The following PTPRG variants were observed in gnomAD, a reference collection of about 807,000 sequenced individuals.
PTPRG encodes receptor-type tyrosine-protein phosphatase gamma.
A neutral mutation model predicts 165.3 loss-of-function variants in PTPRG; 102 were observed. The ratio of observed to expected loss-of-function variants is 0.62; its 90% CI spans 0.53 to 0.73. PTPRG has a LOEUF of 0.73. Among genes scored for constraint, PTPRG ranks in the 30% least tolerant of loss-of-function variants. The pLI is 0.00. For missense variants in PTPRG, 1,866 were observed against 1,861.4 expected, an observed-to-expected ratio of 1.00 and a Z score of -0.05; for synonymous variants, 675 against 669.5, an observed-to-expected ratio of 1.01 and a Z score of -0.13.
intron 1 of PTPRG, among the ~76,000 whole-genome samples, chr3:61,590,877 G>T (rs1233948471): frequency 4.6e-5 from 7 of 152,042 alleles, no homozygotes; most frequent in Non-Finnish European, 8.8e-5. Flanking sequence ...CCAGCACTTT[G>T]GGATGCCAGA....
Position 62,138,471 on chromosome 3 carries a change from C to A in PTPRG, c.682+5803C>A, listed in dbSNP as rs532380532. Among the ~76,000 whole-genome samples, 4 of 152,198 alleles carry A rather than the reference C, an allele frequency of 2.6e-5. No homozygotes were observed. The South Asian group carries it at 8.3e-4, about 32-fold the overall frequency. ...CAGTGGCTCATGCCTATAATGTCAG[C>A]ACTTTGGGAGGCCAAGGCAGGTGGA... is the stretch of plus-strand genomic sequence containing the variant. On this transcript the variant is annotated intron_variant, in intron 6 of 29. Transcript: ENST00000474889.
At chr3:61,972,943 A>G (rs1397929664) in intron 2 of PTPRG, among the ~76,000 whole-genome samples, 2 of 151,840 alleles carry the variant, frequency 1.3e-5, no homozygotes, top group African/African-American at 4.8e-5. Flanking sequence ...ATAGGCATGC[A>G]TCTCTGTGCC....
chr3:62,097,002 C>G (rs1394796815), intron 5 of PTPRG, among the ~76,000 whole-genome samples: 1 of 152,190 alleles, frequency 6.6e-6, no homozygotes, highest in Non-Finnish European at 1.5e-5. Flanking sequence ...ATCCGCCCAT[C>G]TTAAAAGTGA....
At chr3:62,024,285 G>C (rs1039509859) in intron 4 of PTPRG, among the ~76,000 whole-genome samples, 3 of 152,040 alleles carry the variant, frequency 2.0e-5, no homozygotes, top group Admixed American at 6.6e-5. Context: ...GTAATAGAAA[G>C]GAATAAATTT....
chr3:61,954,657 G>A (rs1249152963), intron 2 of PTPRG, among the ~76,000 whole-genome samples: 5 of 152,140 alleles, frequency 3.3e-5, no homozygotes, highest in Admixed American at 2.6e-4. Flanking sequence ...TTAAGGTGAA[G>A]ATTTGTCAGA....
At chr3:61,870,317 C>CAT (rs1445043149) in intron 2 of PTPRG, among the ~76,000 whole-genome samples, 4 of 136,380 alleles carry the variant, frequency 2.9e-5, no homozygotes, top group African/African-American at 1.1e-4. Context: ...AAAAATTATT[C>CAT]TTTTTTTTTT....
chr3:61,655,860 G>C (rs1379400912), intron 1 of PTPRG, among the ~76,000 whole-genome samples: 1 of 152,074 alleles, frequency 6.6e-6, no homozygotes, highest in Non-Finnish European at 1.5e-5. Flanking sequence ...CTCCTGTCTT[G>C]GCCAACCAAT....
At chr3:62,292,718 C>A in intron 29 of PTPRG, 162 bp downstream of exon 29, 1 of 715,286 alleles carries the variant, frequency 1.4e-6, no homozygotes, top group Non-Finnish European at 2.3e-6. Flanking sequence ...TGGATGGCAT[C>A]TAGAGGATAC....
At chr3:62,139,483 A>G (rs1173596482) in intron 6 of PTPRG, among the ~76,000 whole-genome samples, 2 of 151,722 alleles carry the variant, frequency 1.3e-5, no homozygotes, top group Admixed American at 6.6e-5. Flanking sequence ...AAAAGCCAAA[A>G]AGAAAGAAAT....
At chr3:61,860,139 A>C (rs1159275132) in intron 2 of PTPRG, among the ~76,000 whole-genome samples, 1 of 152,316 alleles carries the variant, frequency 6.6e-6, no homozygotes, top group Non-Finnish European at 1.5e-5. Context: ...AGAAGAGGAA[A>C]TATTGTATGT....
At chr3:62,192,928 T>C (rs1470442551) in intron 9 of PTPRG, among the ~76,000 whole-genome samples, 3 of 152,360 alleles carry the variant, frequency 2.0e-5, no homozygotes, top group East Asian at 1.9e-4. Context: ...CAATCAGTTA[T>C]AGAATAATAC....
At chr3:61,703,609 C>A (rs2031093684) in intron 1 of PTPRG, among the ~76,000 whole-genome samples, 1 of 152,134 alleles carries the variant, frequency 6.6e-6, no homozygotes, top group South Asian at 2.1e-4. Context: ...TTTCTCCTGC[C>A]TCGCTCATTT....
rs140999422 is a variant in PTPRG at position 61,912,546 on chromosome 3, T to G, written c.191-77079T>G. On this transcript the variant is annotated intron_variant, in intron 2 of 29. Coordinates refer to ENST00000474889, the MANE Select transcript of PTPRG (RefSeq NM_002841.4). ...GTAAAGAAAAAAAATCCTTTGGAATTGGTCATCATGATTGATTTTTGTGCT... is the reference window on the plus strand; with the variant it reads ...GTAAAGAAAAAAAATCCTTTGGAATGGGTCATCATGATTGATTTTTGTGCT... 3.1e-3 allele frequency among the ~76,000 whole-genome samples: 479 copies of G among 152,348 alleles called. 5 individuals are homozygous for G. Among genetic ancestry groups the G allele is most frequent in the Admixed American group, 4.8e-3 (74 of 15,308 alleles).
chr3:61,907,144 CT>C lies in PTPRG; in HGVS notation c.191-82471del, dbSNP rs139054196. ...TTCTCTTCCCCAACTTCCCCCACCC[CT>C]TTTTTTTTTATATAAATGGTGTCAT... On this transcript the variant is annotated intron_variant, in intron 2 of 29. Coordinates refer to ENST00000474889, the MANE Select transcript of PTPRG (RefSeq NM_002841.4). Among the ~76,000 whole-genome samples, 269 of 147,816 alleles carry C rather than the reference CT, an allele frequency of 1.8e-3. 1 individual carries two copies. The highest frequency in any genetic ancestry group is 0.011 in the South Asian group (52 of 4,656).
intron 5 of PTPRG, among the ~76,000 whole-genome samples, chr3:62,094,917 G>A (rs926828138): frequency 1.3e-5 from 2 of 152,228 alleles, no homozygotes; most frequent in Non-Finnish European, 2.9e-5. Context: ...GCTGCGACCT[G>A]CCGCAAAGGA....
intron 3 of PTPRG, among the ~76,000 whole-genome samples, chr3:62,002,433 A>G (rs892483042): frequency 6.6e-6 from 1 of 152,186 alleles, no homozygotes; most frequent in Non-Finnish European, 1.5e-5. Flanking sequence ...GAATGAATGA[A>G]TGAATCCACT....
At chr3:61,997,613 C>T (rs2041072085) in intron 3 of PTPRG, among the ~76,000 whole-genome samples, 1 of 152,196 alleles carries the variant, frequency 6.6e-6, no homozygotes, top group Non-Finnish European at 1.5e-5. Context: ...TCAGGTGCTA[C>T]CCCTTGTCCC....
intron 1 of PTPRG, among the ~76,000 whole-genome samples, chr3:61,685,327 G>A (rs1294596175): frequency 6.6e-6 from 1 of 152,210 alleles, no homozygotes; most frequent in Non-Finnish European, 1.5e-5. Flanking sequence ...AAGGAAGTCT[G>A]ACCAGGGAGG....
chr3:61,791,620 T>C (rs146510958), intron 2 of PTPRG, among the ~76,000 whole-genome samples: 8 of 152,314 alleles, frequency 5.3e-5, no homozygotes, highest in African/African-American at 1.9e-4. Context: ...CCTGAGTAGC[T>C]GGAATTACAG....
Sources: allele counts gnomAD v4.1 joint callset (sites outside exome capture counted in the v4.1 genomes callset), GRCh38; gene constraint gnomAD v4.1.1; transcripts MANE v1.5; gene names NCBI Gene and HGNC (gene_info 2026-07-23, HGNC 2026-07-21).